The following ZNF541 variants were observed in gnomAD, a reference collection of about 807,000 sequenced individuals.
ZNF541 encodes zinc finger protein 541.
In ZNF541, 23 loss-of-function variants were observed where a neutral mutation model predicts 123.5. The ratio of observed to expected loss-of-function variants is 0.19; its 90% CI spans 0.13 to 0.26. The LOEUF (loss-of-function observed/expected upper bound fraction) is 0.26. Ranked by LOEUF, ZNF541 falls within the 10% of genes least tolerant of loss-of-function variation. The probability of loss-of-function intolerance (pLI) is 1.00; values close to 1 mark genes in which losing one functional copy is unlikely to be tolerated. For synonymous variants in ZNF541, 751 were observed against 754.5 expected (o/e 1.00, Z 0.08); for missense variants, 1,612 against 1,789.9 (o/e 0.90, Z 1.79).
chr19:47,537,563 CAA>C (rs369951057), intron 9 of ZNF541, among the ~76,000 whole-genome samples: 26 of 56,486 alleles, frequency 4.6e-4, no homozygotes, highest in Non-Finnish European at 4.9e-4. Context: ...TACTCTGTCT[CAA>C]AAAAAAAAAA....
chr19:47,533,239 G>A (rs1969659341), intron 9 of ZNF541, among the ~76,000 whole-genome samples: 1 of 151,656 alleles, frequency 6.6e-6, no homozygotes, highest in South Asian at 2.1e-4. Context: ...GGGCGTGGTA[G>A]TGGGTGCCTG....
In ZNF541 at chr19:47,545,451, T is replaced by C; in HGVS notation, c.1078A>G (p.Asn360Asp). ...FTAPNSRAAE[N>D]GAPDPPEPEP... Reference sequence around the variant, plus strand: ...GGCTCTGGCGGGTCGGGGGCGCCGTTCTCGGCGGCCCTGGAATTAGGGGCT... The same window carrying C: ...GGCTCTGGCGGGTCGGGGGCGCCGTCCTCGGCGGCCCTGGAATTAGGGGCT... Residue 360 changes from asparagine to aspartate, a missense_variant, in exon 5 of 17, where the codon AAC becomes GAC. Physicochemically the swap from Asn to Asp is conservative, Grantham distance 23. Coordinates refer to ENST00000391901, the MANE Select transcript of ZNF541 (RefSeq NM_001277075.3). The surrounding 1 kb of genome is among the most constrained non-coding windows in gnomAD (Gnocchi z 7.5). 1 of 1,475,242 alleles carries C rather than the reference T, an allele frequency of 6.8e-7. No homozygotes were observed. The highest frequency in any genetic ancestry group is 1.4e-5 in the South Asian group (1 of 72,028). The allele number at this position is 1,475,242 out of a possible 1,614,324, so 91.4% of individuals were successfully genotyped here.
chr19:47,540,848 G>A, intron 6 of ZNF541, 45 bp downstream of exon 6: 2 of 1,537,606 alleles, frequency 1.3e-6, no homozygotes, highest in Non-Finnish European at 1.8e-6. Context: ...AAGGCCAGAG[G>A]ACTCCTGCCA....
chr19:47,566,367 A>G (rs1174546536), intron 2 of ZNF541, among the ~76,000 whole-genome samples: 1 of 152,148 alleles, frequency 6.6e-6, no homozygotes, highest in Non-Finnish European at 1.5e-5. Context: ...AGGGGAGGGA[A>G]CAATCTGAAT....
At chr19:47,566,389 T>C (rs1971263674) in intron 2 of ZNF541, among the ~76,000 whole-genome samples, 1 of 152,150 alleles carries the variant, frequency 6.6e-6, no homozygotes, top group Admixed American at 6.6e-5. Flanking sequence ...CCCATCTGAT[T>C]TACAAATATA....
Position 47,521,514 on chromosome 19 carries a change from C to G in ZNF541, c.3852G>C (p.Glu1284Asp), listed in dbSNP as rs1293577444. ...CTCTGCATGGAAAAATGCCCTGGCTCTCTGCACTTCCCAACAGCTCGGGGG... is the reference window on the plus strand; with the variant it reads ...CTCTGCATGGAAAAATGCCCTGGCTGTCTGCACTTCCCAACAGCTCGGGGG... ...KRTPELLGSA[E>D]SQGIFPCREC... The change falls in exon 16 of 17, where the codon GAG (glutamate) becomes GAC (aspartate). Residue 1284 changes from glutamate (E) to aspartate (D), a missense_variant. Around this residue, in one of 5 missense-constraint regions of ZNF541, gnomAD observed 285 missense variants for 407.3 expected, o/e 0.70. Coordinates refer to ENST00000391901, the MANE Select transcript of ZNF541 (RefSeq NM_001277075.3). The surrounding 1 kb of genome is among the most constrained non-coding windows in gnomAD (Gnocchi z 4.2). 1 of 1,551,522 alleles carries G rather than the reference C, an allele frequency of 6.4e-7. No homozygotes were observed. The highest frequency in any genetic ancestry group is 8.7e-7 in the Non-Finnish European group (1 of 1,147,002).
Position 47,529,558 on chromosome 19 carries a change from A to G in ZNF541, c.3481+19T>C. Reference sequence around the variant, plus strand: ...GGTCTCAGCTGGGCCAAACCAGCTCAGCAGCCTTTCCCCGTCACCTGTGTA... The same window carrying G: ...GGTCTCAGCTGGGCCAAACCAGCTCGGCAGCCTTTCCCCGTCACCTGTGTA... On this transcript the variant is annotated intron_variant, in intron 13 of 16. Coordinates refer to ENST00000391901, the MANE Select transcript of ZNF541 (RefSeq NM_001277075.3). 6.4e-7 allele frequency: 1 copy of G among 1,551,530 alleles called. No individual in the cohort carries two copies. Among genetic ancestry groups the G allele is most frequent in the Non-Finnish European group, 8.7e-7 (1 of 1,146,874 alleles).
At chr19:47,523,339 TAAAAAAAA>T (rs75366644) in intron 14 of ZNF541, among the ~76,000 whole-genome samples, 5 of 105,728 alleles carry the variant, frequency 4.7e-5, no homozygotes, top group East Asian at 2.5e-4. Context: ...GCGTCTCTTT[TAAAAAAAA>T]AAAAAAAAAA....
At chr19:47,539,414 C>T (rs1187727464) in intron 8 of ZNF541, among the ~76,000 whole-genome samples, 4 of 151,768 alleles carry the variant, frequency 2.6e-5, no homozygotes, top group African/African-American at 4.8e-5. Context: ...ATTCTCGGGC[C>T]TCAGCCTCCC....
At chr19:47,559,380 G>GAAAGAAAGA (rs1970969890) in intron 2 of ZNF541, among the ~76,000 whole-genome samples, 1 of 150,100 alleles carries the variant, frequency 6.7e-6, no homozygotes, top group African/African-American at 2.4e-5. Flanking sequence ...TCAAAAAAAA[G>GAAAGAAAGA]AAAGAAAGAA....
intron 2 of ZNF541, among the ~76,000 whole-genome samples, chr19:47,558,594 A>G (rs1970927149): frequency 6.6e-6 from 1 of 151,584 alleles, no homozygotes; most frequent in South Asian, 2.1e-4. Context: ...GAAGAAACAG[A>G]ATTTCTTTTT....
At chr19:47,542,731 A>T (rs1050750710) in intron 5 of ZNF541, among the ~76,000 whole-genome samples, 3 of 151,742 alleles carry the variant, frequency 2.0e-5, no homozygotes, top group African/African-American at 7.3e-5. Context: ...GTGGATCACG[A>T]GGTCAGGAGT....
At chr19:47,558,634 C>T (rs1970930625) in intron 2 of ZNF541, among the ~76,000 whole-genome samples, 2 of 151,058 alleles carry the variant, frequency 1.3e-5, no homozygotes, top group Non-Finnish European at 3.0e-5. Flanking sequence ...CGCTCTGTCG[C>T]CCAGGCTGGA....
At chr19:47,527,594 C>T (rs1483575374) in intron 14 of ZNF541, among the ~76,000 whole-genome samples, 1 of 152,056 alleles carries the variant, frequency 6.6e-6, no homozygotes, top group Non-Finnish European at 1.5e-5. Flanking sequence ...CAAGGTCTCA[C>T]TATATTGCCC....
intron 3 of ZNF541, among the ~76,000 whole-genome samples, chr19:47,552,741 TCAAAAAAAA>T: frequency 9.1e-4 from 1 of 1,098 alleles, no homozygotes; most frequent in Non-Finnish European, 3.1e-3. Context: ...AGACTCCATC[TCAAAAAAAA>T]AAAAAAAAAA....
intron 2 of ZNF541, among the ~76,000 whole-genome samples, chr19:47,561,100 G>T (rs1435629988): frequency 6.6e-6 from 1 of 152,120 alleles, no homozygotes; most frequent in Non-Finnish European, 1.5e-5. Context: ...GGTGAGGAGT[G>T]AAACTATTTT....
intron 14 of ZNF541, among the ~76,000 whole-genome samples, chr19:47,526,390 G>C (rs1417564709): frequency 6.6e-6 from 1 of 150,976 alleles, no homozygotes; most frequent in Admixed American, 6.6e-5. Context: ...GCTAAGGCAG[G>C]AGCATCGCTT....
At chr19:47,546,036 C>T in intron 4 of ZNF541, 56 bp from the exon 5 acceptor site, 2 of 1,402,954 alleles carry the variant, frequency 1.4e-6, no homozygotes, top group South Asian at 3.2e-5. Context: ...GGGCTTTCTG[C>T]TGTAGGACCC....
chr19:47,532,781 G>A (rs911151183), intron 10 of ZNF541, 128 bp downstream of exon 10: 10 of 670,162 alleles, frequency 1.5e-5, no homozygotes, highest in South Asian at 8.1e-5. Context: ...AAAATCTACC[G>A]CTTCACGCCT....
Sources: allele counts gnomAD v4.1 joint callset (sites outside exome capture counted in the v4.1 genomes callset), GRCh38; gene constraint gnomAD v4.1.1; regional missense constraint gnomAD v4.1.1; non-coding constraint Gnocchi (gnomAD v3.1); transcripts MANE v1.5; gene names NCBI Gene and HGNC (gene_info 2026-07-23, HGNC 2026-07-21).